Variants in SOX5 observed in about 807,000 individuals in gnomAD.
SOX5 encodes transcription factor SOX-5.
Under a neutral mutation model 92.0 loss-of-function variants are expected in SOX5, and 9 were observed. That is an observed-to-expected ratio of 0.10 (90% CI 0.06 to 0.17). The LOEUF (loss-of-function observed/expected upper bound fraction) is 0.17. SOX5 is among the 10% of genes least tolerant of loss of function. The pLI is 1.00. For missense variants in SOX5, 642 were observed against 944.5 expected, an observed-to-expected ratio of 0.68 and a Z score of 4.20; for synonymous variants, 344 against 336.3, an observed-to-expected ratio of 1.02 and a Z score of -0.25.
chr12:23,967,279 TAGATG>T lies in SOX5; in HGVS notation c.-1-71260_-1-71256del, dbSNP rs201735208. Among the ~76,000 whole-genome samples, 370 of 152,202 alleles carry T rather than the reference TAGATG, an allele frequency of 2.4e-3. 4 individuals are homozygous for T. The East Asian group carries it at 0.055, about 23-fold the overall frequency. On this transcript the variant is annotated intron_variant, in intron 4 of 4. Coordinates refer to the SOX5 transcript ENST00000446891. ...ATGTGAAAAATATCTCTGTTTAAAA[TAGATG>T]CATTACAGCATGAAAAGTCAATTGA...
At chr12:23,804,968 T>TATATATATATA (rs2095742335) in intron 3 of SOX5, among the ~76,000 whole-genome samples, 10 of 5,228 alleles carry the variant, frequency 1.9e-3, no homozygotes, top group South Asian at 7.7e-3. Flanking sequence ...TATATATATA[T>TATATATATATA]TCCTTTAAAA....
intron 1 of SOX5, among the ~76,000 whole-genome samples, chr12:24,410,122 C>T (rs1963808849): frequency 6.6e-6 from 1 of 152,002 alleles, no homozygotes; most frequent in African/African-American, 2.4e-5. Flanking sequence ...CTCAGCCTCC[C>T]ACATAGCTGG....
At chr12:24,162,844 G>A (rs1952918182) in intron 4 of SOX5, among the ~76,000 whole-genome samples, 1 of 152,130 alleles carries the variant, frequency 6.6e-6, no homozygotes, top group African/African-American at 2.4e-5. Context: ...AAAGAGCTAA[G>A]GAGTCACTGC....
intron 2 of SOX5, among the ~76,000 whole-genome samples, chr12:23,856,275 T>C (rs1002946965): frequency 6.6e-6 from 1 of 152,140 alleles, no homozygotes; most frequent in African/African-American, 2.4e-5. Flanking sequence ...AGCAATGCTA[T>C]ACACAGATTT....
At chr12:24,295,836 G>A (rs1338742465) in intron 2 of SOX5, among the ~76,000 whole-genome samples, 1 of 152,016 alleles carries the variant, frequency 6.6e-6, no homozygotes, top group Non-Finnish European at 1.5e-5. Flanking sequence ...CCAAAATGCT[G>A]GGTGGCATGA....
intron 4 of SOX5, among the ~76,000 whole-genome samples, chr12:24,107,662 G>A (rs1380953697): frequency 6.6e-6 from 1 of 152,196 alleles, no homozygotes; most frequent in African/African-American, 2.4e-5. Context: ...AGGAGTTCCT[G>A]CATCTTTAAC....
At chr12:23,703,983 G>T (rs1390334481) in intron 6 of SOX5, among the ~76,000 whole-genome samples, 1 of 151,978 alleles carries the variant, frequency 6.6e-6, no homozygotes, top group Non-Finnish European at 1.5e-5. Context: ...GTTAGAAATA[G>T]ATTGGGCACA....
chr12:24,408,660 C>A (rs1051301999), intron 1 of SOX5, among the ~76,000 whole-genome samples: 1 of 152,152 alleles, frequency 6.6e-6, no homozygotes, highest in East Asian at 1.9e-4. Context: ...TCTAAAGATT[C>A]GTCTAGGTTC....
At chr12:23,810,594 A>G (rs1250704039) in intron 3 of SOX5, among the ~76,000 whole-genome samples, 1 of 152,200 alleles carries the variant, frequency 6.6e-6, no homozygotes, top group Non-Finnish European at 1.5e-5. Context: ...GGAAAAATGC[A>G]GAGCCAGAAT....
Position 23,739,993 on chromosome 12 carries a change from ATTAG to A in SOX5, c.741+870_741+873del, listed in dbSNP as rs1344939699. On this transcript the variant is annotated intron_variant, in intron 5 of 14. Transcript: ENST00000451604. The stretch of plus-strand genomic sequence containing the variant: ...CTGGTTAATTGAGATAGCCTCAATA[ATTAG>A]TTAGTACAGTGCCCGGCACATAAGA... Among the ~76,000 whole-genome samples the A allele has an allele frequency of 3.3e-5, 5 of 152,292 alleles. No individual in the cohort carries two copies. The South Asian group carries it at 6.2e-4, about 19-fold the overall frequency.
At chr12:23,642,442 T>C (rs2080201045) in intron 7 of SOX5, among the ~76,000 whole-genome samples, 1 of 152,202 alleles carries the variant, frequency 6.6e-6, no homozygotes, top group Non-Finnish European at 1.5e-5. Flanking sequence ...GAAAAGGTGA[T>C]GTTTAAGCTG....
At chr12:23,851,561 G>T (rs2096633973) in intron 2 of SOX5, among the ~76,000 whole-genome samples, 1 of 150,932 alleles carries the variant, frequency 6.6e-6, no homozygotes, top group Admixed American at 6.6e-5. Flanking sequence ...CTTACAGACA[G>T]ACCTCTGAAG....
At chr12:23,710,260 C>G (rs1015065672) in intron 6 of SOX5, among the ~76,000 whole-genome samples, 1 of 152,040 alleles carries the variant, frequency 6.6e-6, no homozygotes, top group Non-Finnish European at 1.5e-5. Flanking sequence ...TTTTATTATA[C>G]TTTAAGTTCT....
chr12:24,398,016 A>G (rs1348202355), intron 1 of SOX5, among the ~76,000 whole-genome samples: 1 of 151,536 alleles, frequency 6.6e-6, no homozygotes, highest in African/African-American at 2.4e-5. Context: ...TGCCTGACTA[A>G]TTTTTTTGTA....
At chr12:23,666,689 TCTA>T (rs1271764793) in intron 6 of SOX5, among the ~76,000 whole-genome samples, 2 of 152,142 alleles carry the variant, frequency 1.3e-5, no homozygotes, top group Non-Finnish European at 1.5e-5. Context: ...TTAATAAATA[TCTA>T]CTATGTGCAA....
intron 3 of SOX5, among the ~76,000 whole-genome samples, chr12:24,242,939 A>G (rs1380520969): frequency 6.6e-6 from 1 of 152,178 alleles, no homozygotes; most frequent in African/African-American, 2.4e-5. Context: ...AAAGCAAATA[A>G]CAGAACACAA....
chr12:24,465,144 A>G (rs1018615353), intron 1 of SOX5, among the ~76,000 whole-genome samples: 1 of 152,226 alleles, frequency 6.6e-6, no homozygotes, highest in Non-Finnish European at 1.5e-5. Context: ...TACTACCTTC[A>G]TCTTTCTCTC....
chr12:23,993,932 T>C (rs920431532), intron 4 of SOX5, among the ~76,000 whole-genome samples: 2 of 151,774 alleles, frequency 1.3e-5, no homozygotes, highest in Middle Eastern at 3.2e-3. Flanking sequence ...TGCATGTATG[T>C]GTGTATGTTT....
In SOX5 at chr12:23,651,865, G is replaced by A. The variant is rs76963988; in HGVS notation, c.932-10968C>T. ...AGCAAAATTCAAGATCTAGCCTGTA[G>A]TTGAACCCATTTCATCTAGTAGCAA... On this transcript the variant is annotated intron_variant, in intron 7 of 14. Coordinates refer to ENST00000451604, the MANE Select transcript of SOX5 (RefSeq NM_006940.6). 4.4e-3 allele frequency among the ~76,000 whole-genome samples: 673 copies of A among 152,024 alleles called. 2 individuals are homozygous for A. The highest frequency in any genetic ancestry group is 6.1e-3 in the Non-Finnish European group (417 of 67,924).
Sources: allele counts gnomAD v4.1 joint callset (sites outside exome capture counted in the v4.1 genomes callset), GRCh38; gene constraint gnomAD v4.1.1; transcripts MANE v1.5; gene names NCBI Gene and HGNC (gene_info 2026-07-23, HGNC 2026-07-21).